Variants in HNRNPA1 observed in about 807,000 individuals in gnomAD.
HNRNPA1 encodes heterogeneous nuclear ribonucleoprotein A1.
In HNRNPA1, 7 loss-of-function variants were observed where a neutral mutation model predicts 44.4. The ratio of observed to expected loss-of-function variants is 0.16; its 90% CI spans 0.09 to 0.30. The LOEUF is 0.30. HNRNPA1 is among the 10% of genes least tolerant of loss of function. The pLI is 1.00. For synonymous variants in HNRNPA1, 169 were observed against 160.6 expected, an observed-to-expected ratio of 1.05 and a Z score of -0.40; for missense variants, 193 against 465.8, an observed-to-expected ratio of 0.41 and a Z score of 5.39.
At chr12:54,281,965 C>G (rs759871665) in intron 3 of HNRNPA1, 24 bp downstream of exon 3, 6 of 1,611,030 alleles carry the variant, frequency 3.7e-6, no homozygotes, top group South Asian at 1.1e-5. Context: ...TTTTCTTCTT[C>G]TTCTTAAACT....
rs114581798 is a variant in HNRNPA1 at position 54,282,325 on chromosome 12, G to T, written c.490+25G>T. Reference sequence around the variant, plus strand: ...AGTAAGTATCAGATAGTGGCATTTAGTAAGGGTTCCACAATCTGTATGGCA... The same window carrying T: ...AGTAAGTATCAGATAGTGGCATTTATTAAGGGTTCCACAATCTGTATGGCA... On this transcript the variant is annotated intron_variant, in intron 4 of 10. Transcript: ENST00000340913. The T allele has an allele frequency of 3.9e-4, 627 of 1,611,962 alleles. 5 individuals carry two copies. In the African/African-American group the frequency reaches 7.9e-3, roughly 20 times the overall value.
Position 54,281,809 on chromosome 12 carries a change from A to G in HNRNPA1, c.147A>G (p.Pro49=). ...TLTDCVVMRD[P]NTKRSRGFGF... ...ACTGTTCTCAGGTAATGAGAGATCCAAACACCAAGCGCTCCAGGGGCTTTG... is the reference window on the plus strand; with the variant it reads ...ACTGTTCTCAGGTAATGAGAGATCCGAACACCAAGCGCTCCAGGGGCTTTG... Residue 49 remains proline (P), a synonymous_variant, in exon 3 of 11, where the codon CCA becomes CCG. Transcript: ENST00000340913. 2 of 1,611,874 alleles carry G rather than the reference A, an allele frequency of 1.2e-6. No homozygotes were observed. The highest frequency in any genetic ancestry group is 1.7e-6 in the Non-Finnish European group (2 of 1,179,512).
Position 54,281,449 on chromosome 12 carries a change from G to C in HNRNPA1, c.79G>C (p.Asp27His). ...TGGAGGGTTGAGCTTTGAAACAACT[G>C]ATGAGAGCCTGAGGAGCCATTTTGA... ...FIGGLSFETTDESLRSHFEQW... is the reference protein window; with the variant it reads ...FIGGLSFETTHESLRSHFEQW... Residue 27 changes from aspartate (D) to histidine (H), a missense_variant, in exon 2 of 11, where the codon GAT becomes CAT. By Grantham distance (81) the Asp-to-His change is moderately conservative. This residue lies in a region of HNRNPA1 where 57 missense variants were observed against 231.3 expected (regional missense o/e 0.25). Coordinates refer to ENST00000340913, the MANE Select transcript of HNRNPA1 (RefSeq NM_031157.4). 1 of 1,612,858 alleles carries C rather than the reference G, an allele frequency of 6.2e-7. No individual in the cohort carries two copies. The highest frequency in any genetic ancestry group is 8.5e-7 in the Non-Finnish European group (1 of 1,179,226).
In HNRNPA1 at chr12:54,285,385, A is replaced by G. The variant is rs1944248080; in HGVS notation, c.*841A>G. 1 of 152,242 alleles carries G rather than the reference A, an allele frequency of 6.6e-6. No homozygotes were observed. The highest frequency in any genetic ancestry group is 2.4e-5 in the African/African-American group (1 of 41,470). 9.4% of individuals were successfully genotyped at this position (152,242 alleles called of 1,614,324 possible). On this transcript the variant is annotated 3_prime_UTR_variant, in exon 11 of 11. Transcript: ENST00000340913. ...AGGGAATAGAAACTAGCTGCTGGCT[A>G]ATGCCGCTCCATAAATCCGCAGATT... is the stretch of plus-strand genomic sequence containing the variant.
Position 54,283,200 on chromosome 12 carries a change from CAACGGA to C in HNRNPA1, c.874_879del (p.Asn292_Gly293del). On this transcript the variant is annotated inframe_deletion, in exon 8 of 11. Coordinates refer to ENST00000340913, the MANE Select transcript of HNRNPA1 (RefSeq NM_031157.4). ...GGAGTGGCAGCTATGACAGCTATAA[CAACGGA>C]GGCGGAGGCGGCTTTGGCGGTGGTA... 1 of 1,609,334 alleles carries C rather than the reference CAACGGA, an allele frequency of 6.2e-7. No individual in the cohort carries two copies. The highest frequency in any genetic ancestry group is 1.3e-5 in the African/African-American group (1 of 74,854).
intron 1 of HNRNPA1, 175 bp downstream of exon 1, chr12:54,280,997 C>A: frequency 1.4e-6 from 1 of 737,800 alleles, no homozygotes; most frequent in Non-Finnish European, 2.5e-6. Flanking sequence ...CGCCATGAGG[C>A]CGCTCTCCGC....
intron 1 of HNRNPA1, 117 bp from the exon 2 acceptor site, chr12:54,281,269 G>C (rs1373626387): frequency 8.2e-6 from 6 of 733,966 alleles, no homozygotes; most frequent in Non-Finnish European, 1.5e-5. Flanking sequence ...GTGTCTTGTT[G>C]CGACCTGAAC....
At position 54,286,495 on chromosome 12, in the gene HNRNPA1, CT is replaced by C. The variant is rs1350616216; in HGVS notation, c.*1955del. On this transcript the variant is annotated 3_prime_UTR_variant, in exon 11 of 11. Coordinates refer to ENST00000340913, the MANE Select transcript of HNRNPA1 (RefSeq NM_031157.4). Reference sequence around the variant, plus strand: ...TGTACTGTGAATATAAATTTTTGCCCTTTTATTTATCTTCCTTTGACCCATT... The same window carrying C: ...TGTACTGTGAATATAAATTTTTGCCCTTTATTTATCTTCCTTTGACCCATT... 2.6e-5 allele frequency: 4 copies of C among 151,906 alleles called. No individual in the cohort carries two copies. The highest frequency in any genetic ancestry group is 5.9e-5 in the Non-Finnish European group (4 of 67,988). The allele number at this position is 151,906 out of a possible 1,614,324, so 9.4% of individuals were successfully genotyped here.
At chr12:54,283,726 A>G (rs1944217105) in intron 8 of HNRNPA1, 86 bp from the exon 9 acceptor site, 3 of 1,314,730 alleles carry the variant, frequency 2.3e-6, no homozygotes, top group South Asian at 2.4e-5. Flanking sequence ...TGATAACTCA[A>G]CCTTATTTTA....
In HNRNPA1 at chr12:54,281,074, C is replaced by A. The variant is rs73304506; in HGVS notation, c.15+252C>A. The A allele has an allele frequency of 4.2e-3, 2,982 of 703,722 alleles. 38 individuals are homozygous for A. The highest frequency in any genetic ancestry group is 0.033 in the East Asian group (1,238 of 37,172). 43.6% of individuals were successfully genotyped at this position (703,722 alleles called of 1,614,324 possible). A position where few individuals can be genotyped will look rare whatever the true frequency, so the allele number is the denominator to read the frequency against. On this transcript the variant is annotated intron_variant, in intron 1 of 10. Coordinates refer to ENST00000340913, the MANE Select transcript of HNRNPA1 (RefSeq NM_031157.4). ...ATTCTTAGGCACACAGGATCTTTGT[C>A]TTTTTTTAAACCTTGCCTTGGTGAG...
rs374293115 is a variant in HNRNPA1, at chr12:54,280,881, G to A, written c.15+59G>A. 1.2e-3 allele frequency: 1,948 copies of A among 1,586,460 alleles called. 2 individuals carry two copies. The highest frequency in any genetic ancestry group is 1.8e-3 in the Middle Eastern group (11 of 6,018). Reference sequence around the variant, plus strand: ...TCCTCTCCCTTTCCTGAATCGGTAAGATGCTGCTGGGTTTCGTTCCTTGCA... The same window carrying A: ...TCCTCTCCCTTTCCTGAATCGGTAAAATGCTGCTGGGTTTCGTTCCTTGCA... On this transcript the variant is annotated intron_variant, in intron 1 of 10. Transcript: ENST00000340913.
intron 8 of HNRNPA1, 70 bp from the exon 9 acceptor site, chr12:54,283,738 TCTGA>T: frequency 7.0e-7 from 1 of 1,436,878 alleles, no homozygotes; most frequent in Non-Finnish European, 9.8e-7. Flanking sequence ...CTTATTTTAT[TCTGA>T]CTGCTAAACA....
chr12:54,282,524 T>A (rs1012478438), intron 5 of HNRNPA1, 38 bp downstream of exon 5: 1 of 1,608,868 alleles, frequency 6.2e-7, no homozygotes, highest in African/African-American at 1.3e-5. Context: ...AAGGTAACTT[T>A]GAGTTACTCC....
rs1026730166 is a variant in HNRNPA1, at chr12:54,281,192, G to A, written c.16-194G>A. The A allele has an allele frequency of 3.5e-5, 24 of 695,134 alleles. 1 individual carries two copies. The highest frequency in any genetic ancestry group is 5.3e-5 in the Non-Finnish European group (20 of 379,738). 43.1% of individuals were successfully genotyped at this position (695,134 alleles called of 1,614,324 possible). ...CGTGCGTCGGAAGGCGACTAGGGAC[G>A]CATGCGCTTGCGATTTCCTAGCACT... On this transcript the variant is annotated intron_variant, in intron 1 of 10. Transcript: ENST00000340913.
chr12:54,282,032 A>G, intron 3 of HNRNPA1, 58 bp from the exon 4 acceptor site: 1 of 1,599,080 alleles, frequency 6.3e-7, no homozygotes, highest in South Asian at 1.1e-5. Context: ...AACTTACCAA[A>G]ATTTTTTATT....
chr12:54,282,545 A>G, intron 5 of HNRNPA1, 28 bp from the exon 6 acceptor site: 2 of 1,611,382 alleles, frequency 1.2e-6, no homozygotes, highest in Non-Finnish European at 1.7e-6. Context: ...AGTATGAATG[A>G]TTTAATGCTT....
chr12:54,284,120 T>C (rs1386231937), intron 9 of HNRNPA1, 138 bp from the exon 10 acceptor site: 1 of 1,263,396 alleles, frequency 7.9e-7, no homozygotes, highest in Non-Finnish European at 1.1e-6. Context: ...AGAAAAATCA[T>C]GGGACCTCTT....
At chr12:54,284,229 A>T (rs1944229500) in intron 9 of HNRNPA1, 29 bp from the exon 10 acceptor site, 1 of 1,608,362 alleles carries the variant, frequency 6.2e-7, no homozygotes, top group Non-Finnish European at 8.5e-7. Flanking sequence ...GGCACTTTGA[A>T]ACTTTAAAAG....
intron 3 of HNRNPA1, 60 bp from the exon 4 acceptor site, chr12:54,282,028 CCA>C: frequency 3.1e-6 from 5 of 1,598,316 alleles, no homozygotes; most frequent in Non-Finnish European, 4.3e-6. Flanking sequence ...TCTAAACTTA[CCA>C]AAATTTTTTA....
Sources: gnomAD v4.1 joint callset for allele counts on GRCh38, gnomAD v4.1.1 for gene constraint, gnomAD v4.1.1 regional missense constraint, MANE v1.5 for transcripts, NCBI Gene and HGNC (gene_info 2026-07-23, HGNC 2026-07-21) for gene names.